DLGAP2: variants seen among roughly 807,000 people sequenced by gnomAD.
DLGAP2 encodes the protein DLG associated protein 2.
DLGAP2 carries 26 observed loss-of-function variants against 100.3 expected under a neutral mutation model. The observed-to-expected ratio is 0.26, with a 90% CI of 0.19 to 0.36. The LOEUF is 0.36. Ranked by LOEUF, DLGAP2 falls within the 10% of genes least tolerant of loss-of-function variation. DLGAP2 has a pLI of 1.00. For synonymous variants in DLGAP2, 886 were observed against 630.1 expected, an observed-to-expected ratio of 1.41 and a Z score of -6.08; for missense variants, 1,858 against 1,453.2, an observed-to-expected ratio of 1.28 and a Z score of -4.53.
At chr8:1,291,605 A>C (rs916041051) in intron 3 of DLGAP2, among the ~76,000 whole-genome samples, 4 of 152,142 alleles carry the variant, frequency 2.6e-5, no homozygotes, top group African/African-American at 9.7e-5. Context: ...TACTCTTAGC[A>C]TATCTCCTAT....
chr8:1,200,721 G>A (rs1336312331), intron 2 of DLGAP2, among the ~76,000 whole-genome samples: 1 of 151,568 alleles, frequency 6.6e-6, no homozygotes, highest in Non-Finnish European at 1.5e-5. Context: ...GAGACACGTT[G>A]AAATCAGCCT....
chr8:1,341,930 T>G (rs891263470), intron 3 of DLGAP2, among the ~76,000 whole-genome samples: 32 of 152,226 alleles, frequency 2.1e-4, no homozygotes, highest in East Asian at 1.9e-4. Flanking sequence ...TTTGTTTTGT[T>G]GTGTTTGTTT....
intron 3 of DLGAP2, among the ~76,000 whole-genome samples, chr8:1,499,707 T>C (rs1035923760): frequency 8.5e-5 from 13 of 152,252 alleles, no homozygotes; most frequent in African/African-American, 3.1e-4. Context: ...CTATTTCTTA[T>C]ACATGTGTGT....
chr8:859,676 C>T (rs34570778), intron 1 of DLGAP2, among the ~76,000 whole-genome samples: 98 of 152,234 alleles, frequency 6.4e-4, no homozygotes, highest in Non-Finnish European at 1.0e-3. Flanking sequence ...GGTGAGGAGC[C>T]AGGTCAACAA....
intron 3 of DLGAP2, among the ~76,000 whole-genome samples, chr8:1,324,492 C>T (rs1471586136): frequency 6.6e-6 from 1 of 152,214 alleles, no homozygotes; most frequent in Non-Finnish European, 1.5e-5. Flanking sequence ...ACAGGCAGAG[C>T]AGGCACCTTC....
chr8:1,465,632 C>G (rs1023265616), intron 3 of DLGAP2, among the ~76,000 whole-genome samples: 2 of 152,216 alleles, frequency 1.3e-5, no homozygotes, highest in African/African-American at 2.4e-5. Context: ...ACAAAAACCC[C>G]GATCCCAGTG....
intron 3 of DLGAP2, among the ~76,000 whole-genome samples, chr8:1,388,575 A>T (rs562380740): frequency 2.3e-4 from 10 of 43,660 alleles, no homozygotes; most frequent in Non-Finnish European, 2.7e-4. Context: ...GTGGGGAGGC[A>T]CTGGTTCAGG....
chr8:1,055,258 A>G (rs1026018246), intron 2 of DLGAP2, among the ~76,000 whole-genome samples: 5 of 152,094 alleles, frequency 3.3e-5, no homozygotes, highest in Non-Finnish European at 7.3e-5. Context: ...GATGAGCTCT[A>G]TTTTCTTGAA....
chr8:1,683,195 C>T (rs1307987877), intron 12 of DLGAP2, among the ~76,000 whole-genome samples: 2 of 151,606 alleles, frequency 1.3e-5, no homozygotes, highest in East Asian at 3.9e-4. Flanking sequence ...GAGGTCTCAG[C>T]AATGCTTTCA....
intron 4 of DLGAP2, among the ~76,000 whole-genome samples, chr8:1,546,986 G>A (rs924646469): frequency 6.6e-6 from 1 of 152,140 alleles, no homozygotes; most frequent in Non-Finnish European, 1.5e-5. Flanking sequence ...TCCTGTCTGG[G>A]TCTTTGGCCT....
At chr8:1,654,233 T>C (rs1392517704) in intron 8 of DLGAP2, among the ~76,000 whole-genome samples, 1 of 152,218 alleles carries the variant, frequency 6.6e-6, no homozygotes, top group East Asian at 1.9e-4. Flanking sequence ...TAACAAATGC[T>C]ACCTCCTGTA....
intron 3 of DLGAP2, among the ~76,000 whole-genome samples, chr8:1,344,157 GGGTCTTTGT>G (rs1801497551): frequency 5.0e-5 from 3 of 59,422 alleles, no homozygotes; most frequent in Non-Finnish European, 7.3e-5. Flanking sequence ...GCCCTGTCGT[GGGTCTTTGT>G]ACTCGGGGCG....
At chr8:1,459,405 G>A (rs1234518089) in intron 3 of DLGAP2, among the ~76,000 whole-genome samples, 2 of 152,364 alleles carry the variant, frequency 1.3e-5, no homozygotes, top group African/African-American at 4.8e-5. Context: ...CACGTTCAGA[G>A]ATTGTCACTT....
intron 2 of DLGAP2, among the ~76,000 whole-genome samples, chr8:1,233,230 A>G (rs4073842): frequency 0.45 from 67,766 of 152,122 alleles, 16,074 homozygotes; most frequent in Middle Eastern, 0.56. Flanking sequence ...CCTCTTGGCT[A>G]TGATGAATGA....
intron 2 of DLGAP2, among the ~76,000 whole-genome samples, chr8:1,164,830 C>G (rs1013990000): frequency 6.6e-6 from 1 of 152,020 alleles, no homozygotes; most frequent in Non-Finnish European, 1.5e-5. Flanking sequence ...GTGAGAATAC[C>G]AGGTCCCTTT....
chr8:1,619,483 A>C (rs1797259936), intron 6 of DLGAP2, among the ~76,000 whole-genome samples: 1 of 152,244 alleles, frequency 6.6e-6, no homozygotes, highest in South Asian at 2.1e-4. Flanking sequence ...TGTAAGAAAG[A>C]AAAATAAATT....
At chr8:1,386,888 A>G (rs1279099093) in intron 3 of DLGAP2, among the ~76,000 whole-genome samples, 1 of 152,236 alleles carries the variant, frequency 6.6e-6, no homozygotes, top group East Asian at 1.9e-4. Context: ...AATGATATAA[A>G]TTATGCACAT....
intron 1 of DLGAP2, among the ~76,000 whole-genome samples, chr8:798,457 G>A (rs1796081460): frequency 6.8e-6 from 1 of 146,166 alleles, no homozygotes; most frequent in African/African-American, 2.5e-5. Flanking sequence ...CCCGTGCCCC[G>A]GCGCTGACCA....
chr8:1,223,391 C>T (rs907041243), intron 2 of DLGAP2, among the ~76,000 whole-genome samples: 4 of 152,048 alleles, frequency 2.6e-5, no homozygotes, highest in Non-Finnish European at 4.4e-5. Context: ...CGCGGTGCTG[C>T]ATTTTTTAAA....
Sources: gnomAD v4.1 joint callset for allele counts (sites outside exome capture counted in the v4.1 genomes callset) on GRCh38, gnomAD v4.1.1 for gene constraint, MANE v1.5 for transcripts, NCBI Gene and HGNC (gene_info 2026-07-23, HGNC 2026-07-21) for gene names.